Variants in CACNA1C observed in about 807,000 individuals in gnomAD.
CACNA1C encodes calcium voltage-gated channel subunit alpha1 C, also known as voltage-dependent L-type calcium channel subunit alpha-1C.
A neutral mutation model predicts 229.0 loss-of-function variants in CACNA1C; 30 were observed. The observed-to-expected ratio is 0.13, with a 90% CI of 0.10 to 0.18. The LOEUF is 0.18. Among genes scored for constraint, CACNA1C ranks in the 10% least tolerant of loss-of-function variants. The probability of loss-of-function intolerance (pLI) is 1.00; values close to 1 mark genes in which losing one functional copy is unlikely to be tolerated. For synonymous variants in CACNA1C, 1,114 were observed against 1,132.5 expected (o/e 0.98, Z 0.33); for missense variants, 1,658 against 2,845.0 (o/e 0.58, Z 9.49).
chr12:2,345,635 T>TA (rs2096991262), intron 3 of CACNA1C, among the ~76,000 whole-genome samples: 1 of 152,196 alleles, frequency 6.6e-6, no homozygotes, highest in Non-Finnish European at 1.5e-5. Context: ...ACCATCTGTT[T>TA]AACTTTGAAG....
intron 3 of CACNA1C, among the ~76,000 whole-genome samples, chr12:2,186,201 C>T (rs763893175): frequency 4.6e-5 from 7 of 152,190 alleles, no homozygotes; most frequent in Non-Finnish European, 1.0e-4. Context: ...GGTCTCCCTT[C>T]CCGACATGTG....
intron 13 of CACNA1C, among the ~76,000 whole-genome samples, chr12:2,571,138 A>C (rs754032629): frequency 6.6e-6 from 1 of 152,232 alleles, no homozygotes; most frequent in Non-Finnish European, 1.5e-5. Flanking sequence ...CCCACTTTGC[A>C]GATGAGAGAC....
At chr12:1,997,782 CCTT>C (rs1223756908) in intron 1 of CACNA1C, among the ~76,000 whole-genome samples, 2 of 152,130 alleles carry the variant, frequency 1.3e-5, no homozygotes, top group African/African-American at 4.8e-5. Context: ...TTTGGTATTC[CCTT>C]CTTCGTGTCA....
intron 29 of CACNA1C, among the ~76,000 whole-genome samples, chr12:2,619,631 T>G (rs1415775474): frequency 1.3e-5 from 2 of 152,006 alleles, no homozygotes; most frequent in Non-Finnish European, 2.9e-5. Context: ...TGCAACCCAT[T>G]AGTCGGCTTT....
intron 30 of CACNA1C, among the ~76,000 whole-genome samples, chr12:2,640,703 G>C (rs1383923581): frequency 6.6e-6 from 1 of 152,046 alleles, no homozygotes; most frequent in Non-Finnish European, 1.5e-5. Context: ...CCACCTTCAG[G>C]CCCTGAAAGC....
intron 30 of CACNA1C, among the ~76,000 whole-genome samples, chr12:2,644,668 A>C (rs1424420330): frequency 1.3e-5 from 2 of 152,098 alleles, no homozygotes; most frequent in Admixed American, 1.3e-4. Context: ...ATCGCCCCTC[A>C]GCATCCTAAA....
intron 9 of CACNA1C, among the ~76,000 whole-genome samples, chr12:2,548,263 C>T (rs2099885907): frequency 6.6e-6 from 1 of 152,190 alleles, no homozygotes; most frequent in Admixed American, 6.5e-5. Context: ...GAGTGTAATG[C>T]TGTGGAATTC....
chr12:1,993,249 G>A, intron 1 of CACNA1C: 1 of 1,614,052 alleles, frequency 6.2e-7, no homozygotes, highest in Non-Finnish European at 8.5e-7. Flanking sequence ...ACCCACTGTA[G>A]TAAGAAAGAC....
chr12:2,345,180 C>T (rs1035651574), intron 3 of CACNA1C, among the ~76,000 whole-genome samples: 3 of 151,618 alleles, frequency 2.0e-5, no homozygotes, highest in Non-Finnish European at 4.4e-5. Context: ...GAGGGCATAC[C>T]TCAGGAGCTT....
At chr12:2,542,803 C>G (rs940916639) in intron 9 of CACNA1C, among the ~76,000 whole-genome samples, 5 of 152,188 alleles carry the variant, frequency 3.3e-5, no homozygotes, top group Admixed American at 6.5e-5. Flanking sequence ...CTACTAAGTG[C>G]TGTTCAAGCA....
chr12:2,597,507 C>G lies in CACNA1C; in HGVS notation c.2853+218C>G. The G allele has an allele frequency of 6.6e-7, 1 of 1,521,952 alleles. No individual in the cohort carries two copies. Among genetic ancestry groups the G allele is most frequent in the Non-Finnish European group, 9.1e-7 (1 of 1,096,036 alleles). 94.3% of individuals were successfully genotyped at this position (1,521,952 alleles called of 1,614,324 possible). A position where few individuals can be genotyped will look rare whatever the true frequency, so the allele number is the denominator to read the frequency against. ...GAAATTATCCTTAAGGTAATGCAAC[C>G]TGGGCAATGCATCCTCTGTCGCTTT... On this transcript the variant is annotated intron_variant, in intron 21 of 46. Coordinates refer to ENST00000399655, the MANE Select transcript of CACNA1C (RefSeq NM_000719.7). This position sits in a 1 kb window ranked among gnomAD's most constrained non-coding sequence, Gnocchi z 4.3.
chr12:2,669,085 C>T, intron 38 of CACNA1C, 50 bp downstream of exon 38: 1 of 1,288,336 alleles, frequency 7.8e-7, no homozygotes, highest in Non-Finnish European at 1.1e-6. Context: ...GTCTAGCAGA[C>T]AATCAGAGAG....
chr12:1,999,347 T>A (rs4765872), intron 1 of CACNA1C, among the ~76,000 whole-genome samples: 1 of 152,212 alleles, frequency 6.6e-6, no homozygotes, highest in Non-Finnish European at 1.5e-5. Context: ...TAAATGGCTA[T>A]AAAAAATCAT....
intron 3 of CACNA1C, among the ~76,000 whole-genome samples, chr12:2,424,848 C>A (rs1032439520): frequency 6.6e-6 from 1 of 152,180 alleles, no homozygotes; most frequent in African/African-American, 2.4e-5. Flanking sequence ...GGCCAGGAAG[C>A]GGGGAGGGTC....
In CACNA1C at chr12:2,602,764, G is replaced by A. The variant is rs930595455; in HGVS notation, c.2960+804G>A. On this transcript the variant is annotated intron_variant, in intron 22 of 46. Coordinates refer to ENST00000399655, the MANE Select transcript of CACNA1C (RefSeq NM_000719.7). This position sits in a 1 kb window ranked among gnomAD's most constrained non-coding sequence, Gnocchi z 4.4. ...CTGTACAGCCAAGCTTGCAGTCCTC[G>A]TTCAGGTGTGGAGGATCTGATTACC... Among the ~76,000 whole-genome samples the A allele has an allele frequency of 6.6e-6, 1 of 151,914 alleles. No individual in the cohort carries two copies. Among genetic ancestry groups the A allele is most frequent in the South Asian group, 2.1e-4 (1 of 4,814 alleles).
At chr12:2,304,490 C>A (rs1466405995) in intron 3 of CACNA1C, among the ~76,000 whole-genome samples, 1 of 152,220 alleles carries the variant, frequency 6.6e-6, no homozygotes, top group Non-Finnish European at 1.5e-5. Flanking sequence ...TCCATCCTGA[C>A]ACGTTTGTCC....
At chr12:2,586,635 A>G (rs1357052554) in intron 18 of CACNA1C, among the ~76,000 whole-genome samples, 3 of 152,246 alleles carry the variant, frequency 2.0e-5, no homozygotes, top group Non-Finnish European at 2.9e-5. Context: ...TTTTACTGAC[A>G]TTTCCTTGTT....
At chr12:2,186,304 G>A (rs2097003951) in intron 3 of CACNA1C, among the ~76,000 whole-genome samples, 1 of 152,126 alleles carries the variant, frequency 6.6e-6, no homozygotes, top group African/African-American at 2.4e-5. Context: ...ATGGGTGGCC[G>A]GGAAGGCAGG....
At position 2,566,427 on chromosome 12, in the gene CACNA1C, A is replaced by C; in HGVS notation, c.1514A>C (p.Tyr505Ser). 2 of 1,592,260 alleles carry C rather than the reference A, an allele frequency of 1.3e-6. No individual in the cohort carries two copies. Among genetic ancestry groups the C allele is most frequent in the Non-Finnish European group, 1.7e-6 (2 of 1,169,006 alleles). The change falls in exon 12 of 47, where the codon TAC (tyrosine) becomes TCC (serine). Residue 505 changes from tyrosine to serine, a missense_variant. By Grantham distance (144) the Tyr-to-Ser change is moderately radical. Coordinates refer to ENST00000399655, the MANE Select transcript of CACNA1C (RefSeq NM_000719.7). The surrounding 1 kb of genome is among the most constrained non-coding windows in gnomAD (Gnocchi z 4.0). The stretch of plus-strand genomic sequence containing the variant: ...TCTCCCTGTCCCCTTTCCAGCCGCT[A>C]CTGGCGCCGGTGGAATCGGTTCTGC... The part of the protein sequence containing the change: ...HRISKSKFSR[Y>S]WRRWNRFCRR...
Sources: gnomAD v4.1 joint callset for allele counts (sites outside exome capture counted in the v4.1 genomes callset) on GRCh38, gnomAD v4.1.1 for gene constraint, Gnocchi (gnomAD v3.1) non-coding constraint, MANE v1.5 for transcripts, NCBI Gene and HGNC (gene_info 2026-07-23, HGNC 2026-07-21) for gene names.